The following ARRDC3 variants were observed in gnomAD, a reference collection of about 807,000 sequenced individuals.
The protein encoded by ARRDC3 is arrestin domain-containing protein 3.
A neutral mutation model predicts 47.2 loss-of-function variants in ARRDC3; 10 were observed. That is an observed-to-expected ratio of 0.21 (90% CI 0.13 to 0.36). The LOEUF (loss-of-function observed/expected upper bound fraction) is 0.36, where lower values mean the gene tolerates loss of function less well. Ranked by LOEUF, ARRDC3 falls within the 10% of genes least tolerant of loss-of-function variation. The pLI, the probability that ARRDC3 is intolerant of heterozygous loss-of-function variation, is 1.00. For missense variants in ARRDC3, 381 were observed against 503.6 expected (o/e 0.76, Z 2.33); for synonymous variants, 156 against 178.3 (o/e 0.87, Z 1.00).
chr5:91,369,963 G>C lies in ARRDC3; in HGVS notation c.*1437C>G, dbSNP rs1041836622. 6.6e-6 allele frequency: 1 copy of C among 151,882 alleles called. No homozygotes were observed. The highest frequency in any genetic ancestry group is 2.4e-5 in the African/African-American group (1 of 41,304). The allele number at this position is 151,882 out of a possible 1,614,324, so 9.4% of individuals were successfully genotyped here. ...TCATGTTTAGCAAATTGTTCTTTAG[G>C]TAATGAAAAACAGTATTCTCATTAG... On this transcript the variant is annotated 3_prime_UTR_variant, in exon 8 of 8. Transcript: ENST00000265138.
rs1166272393 is a variant in ARRDC3, at chr5:91,368,834, A to G, written c.*2566T>C. 6.5e-6 allele frequency: 1 copy of G among 152,680 alleles called. No individual in the cohort carries two copies. Among genetic ancestry groups the G allele is most frequent in the African/African-American group, 2.4e-5 (1 of 41,474 alleles). 9.5% of individuals were successfully genotyped at this position (152,680 alleles called of 1,614,324 possible). A position where few individuals can be genotyped will look rare whatever the true frequency, so the allele number is the denominator to read the frequency against. On this transcript the variant is annotated 3_prime_UTR_variant, in exon 8 of 8. Transcript: ENST00000265138. ...TTCTTAAAACAGAGCCTACAAGGACATATTCAGCACCAAATAAAAAAGGAA... is the reference window on the plus strand; with the variant it reads ...TTCTTAAAACAGAGCCTACAAGGACGTATTCAGCACCAAATAAAAAAGGAA...
chr5:91,376,034 A>T (rs558331470), intron 3 of ARRDC3, among the ~76,000 whole-genome samples: 4 of 152,328 alleles, frequency 2.6e-5, no homozygotes, highest in Non-Finnish European at 5.9e-5. Context: ...TAAAAAATCA[A>T]TATGTAAAAA....
intron 5 of ARRDC3, 95 bp downstream of exon 5, chr5:91,374,827 G>C: frequency 7.9e-7 from 1 of 1,272,016 alleles, no homozygotes; most frequent in Non-Finnish European, 1.1e-6. Context: ...AGAGGCTGTA[G>C]CGGAGCTGAG....
At chr5:91,375,258 G>A (rs1799274683) in intron 4 of ARRDC3, 80 bp from the exon 5 acceptor site, 1 of 1,441,384 alleles carries the variant, frequency 6.9e-7, no homozygotes, top group East Asian at 2.4e-5. Flanking sequence ...GCTAAAGTAA[G>A]AAAGTGCAAC....
chr5:91,380,508 C>G (rs1799427668), intron 1 of ARRDC3: 1 of 152,520 alleles, frequency 6.6e-6, no homozygotes, highest in South Asian at 2.1e-4. Flanking sequence ...AAGCCCCCCC[C>G]TCCCCCAACA....
Position 91,374,310 on chromosome 5 carries a change from G to A in ARRDC3, c.871-34C>T, listed in dbSNP as rs377567633. The A allele has an allele frequency of 3.1e-5, 49 of 1,563,194 alleles. No individual in the cohort carries two copies. In the African/African-American group the frequency reaches 6.3e-4, roughly 20 times the overall value. ...TGCAAAGAAATATTAAGTTTAGAAT[G>A]CCAAGTATGATTTCCTTTTCAAAAA... On this transcript the variant is annotated intron_variant, in intron 5 of 7. Transcript: ENST00000265138.
In ARRDC3 at chr5:91,378,697, T is replaced by C. The variant is rs749170031; in HGVS notation, c.359A>G (p.Gln120Arg). The part of the protein sequence containing the change: ...HEYAFSFELP[Q>R]TPLATSFEGR... ...GCCTATTATTTATAATACTTACGTC[T>C]GTGGAAGCTCGAAGCTGAATGCATA... Residue 120 changes from glutamine (Q) to arginine (R), a missense_variant, in exon 2 of 8, where the codon CAG becomes CGG. Coordinates refer to ENST00000265138, the MANE Select transcript of ARRDC3 (RefSeq NM_020801.4). 6.4e-7 allele frequency: 1 copy of C among 1,571,222 alleles called. No individual in the cohort carries two copies. The highest frequency in any genetic ancestry group is 1.8e-5 in the Admixed American group (1 of 56,796).
In ARRDC3 at chr5:91,369,626, T is replaced by C. The variant is rs1481905847; in HGVS notation, c.*1774A>G. The C allele has an allele frequency of 6.6e-6, 1 of 152,448 alleles. No individual in the cohort carries two copies. The highest frequency in any genetic ancestry group is 1.5e-5 in the Non-Finnish European group (1 of 68,010). The allele number at this position is 152,448 out of a possible 1,614,324, so 9.4% of individuals were successfully genotyped here. A position where few individuals can be genotyped will look rare whatever the true frequency, so the allele number is the denominator to read the frequency against. ...GTCAAGCACCAAGCCAGAGCTACTA[T>C]TATTTTCAGCCACTTTATTAACTGT... On this transcript the variant is annotated 3_prime_UTR_variant, in exon 8 of 8. Coordinates refer to ENST00000265138, the MANE Select transcript of ARRDC3 (RefSeq NM_020801.4).
At chr5:91,380,975 C>G (rs899989093) in intron 1 of ARRDC3, 2 of 152,258 alleles carry the variant, frequency 1.3e-5, no homozygotes, top group African/African-American at 4.8e-5. Context: ...TACCGGCGCA[C>G]GCCGGTTTCC....
chr5:91,376,703 T>C lies in ARRDC3; in HGVS notation c.428A>G (p.His143Arg). The change falls in exon 3 of 8, where the codon CAC becomes CGC. Residue 143 changes from histidine to arginine, a missense_variant. Physicochemically the swap from His to Arg is conservative, Grantham distance 29. Transcript: ENST00000265138. Reference protein sequence around the residue: ...SVRYWVKAELHRPWLLPVKLK... With the variant: ...SVRYWVKAELRRPWLLPVKLK... The stretch of plus-strand genomic sequence containing the variant: ...TTTTACTGGTAGTAGCCAAGGCCTG[T>C]GCAATTCGGCTTTCACCCAATAGCG... 1 of 1,614,018 alleles carries C rather than the reference T, an allele frequency of 6.2e-7. No homozygotes were observed. Among genetic ancestry groups the C allele is most frequent in the South Asian group, 1.1e-5 (1 of 91,082 alleles).
rs772614338 is a variant in ARRDC3, at chr5:91,370,587, C to G, written c.*813G>C. The G allele has an allele frequency of 4.6e-5, 7 of 152,494 alleles. No homozygotes were observed. The highest frequency in any genetic ancestry group is 2.6e-4 in the Admixed American group (4 of 15,248). The allele number at this position is 152,494 out of a possible 1,614,324, so 9.4% of individuals were successfully genotyped here. On this transcript the variant is annotated 3_prime_UTR_variant, in exon 8 of 8. Transcript: ENST00000265138. ...CTGAGATTAAGTGATTTTAGGCAGT[C>G]AGTAACAAAATGCTGCTTTGCTGTA... is the stretch of plus-strand genomic sequence containing the variant.
chr5:91,378,912 C>G (rs1561294373), intron 1 of ARRDC3, 137 bp from the exon 2 acceptor site: 1 of 488,842 alleles, frequency 2.0e-6, no homozygotes, highest in East Asian at 3.5e-5. Context: ...GATCTGAGTT[C>G]TAATTCTAAC....
Position 91,371,419 on chromosome 5 carries a change from G to A in ARRDC3, c.1226C>T (p.Pro409Leu), listed in dbSNP as rs1304477509. Reference sequence around the variant, plus strand: ...GTTCCTTCAACGAGAGGGGCAGGATGGTCTATCATCTGCTGACTGATCAGG... The same window carrying A: ...GTTCCTTCAACGAGAGGGGCAGGATAGTCTATCATCTGCTGACTGATCAGG... The part of the protein sequence containing the change: ...PNPDQSADDR[P>L]SCPSR The change falls in exon 8 of 8, where the codon CCA becomes CTA. Residue 409 changes from proline to leucine, a missense_variant. Coordinates refer to ENST00000265138, the MANE Select transcript of ARRDC3 (RefSeq NM_020801.4). The A allele has an allele frequency of 1.9e-6, 3 of 1,613,346 alleles. No individual in the cohort carries two copies. In the African/African-American group the frequency reaches 4.0e-5, roughly 22 times the overall value.
chr5:91,371,503 CT>C, intron 7 of ARRDC3, 47 bp from the exon 8 acceptor site: 1 of 1,462,528 alleles, frequency 6.8e-7, no homozygotes, highest in Non-Finnish European at 9.5e-7. Flanking sequence ...TTCATGAGGT[CT>C]AGGAAGAATG....
At chr5:91,376,535 A>G in intron 3 of ARRDC3, 86 bp downstream of exon 3, 1 of 1,181,582 alleles carries the variant, frequency 8.5e-7, no homozygotes, top group Non-Finnish European at 1.2e-6. Context: ...TTTTTAAATT[A>G]TGACAACTGC....
intron 5 of ARRDC3, 33 bp from the exon 6 acceptor site, chr5:91,374,309 T>C (rs747436050): frequency 1.3e-6 from 2 of 1,567,014 alleles, no homozygotes; most frequent in Middle Eastern, 3.4e-4. Flanking sequence ...AAGTTTAGAA[T>C]GCCAAGTATG....
chr5:91,377,268 A>T (rs1287173090), intron 2 of ARRDC3, among the ~76,000 whole-genome samples: 2 of 152,160 alleles, frequency 1.3e-5, no homozygotes, highest in Non-Finnish European at 2.9e-5. Context: ...TAGTTTCAAA[A>T]ATTTCACATT....
chr5:91,370,156 TCA>T lies in ARRDC3; in HGVS notation c.*1242_*1243del, dbSNP rs1267287194. ...ATAACCTCAATGTATGTATTCCTGCTCATTAATATACTTTGCACCAGCAAAAG... is the reference window on the plus strand; with the variant it reads ...ATAACCTCAATGTATGTATTCCTGCTTTAATATACTTTGCACCAGCAAAAG... On this transcript the variant is annotated 3_prime_UTR_variant, in exon 8 of 8. Coordinates refer to ENST00000265138, the MANE Select transcript of ARRDC3 (RefSeq NM_020801.4). 2 of 152,316 alleles carry T rather than the reference TCA, an allele frequency of 1.3e-5. No individual in the cohort carries two copies. The highest frequency in any genetic ancestry group is 3.8e-4 in the East Asian group (2 of 5,198). The allele number at this position is 152,316 out of a possible 1,614,324, so 9.4% of individuals were successfully genotyped here.
At chr5:91,380,275 G>C (rs1360267404) in intron 1 of ARRDC3, 1 of 152,912 alleles carries the variant, frequency 6.5e-6, no homozygotes, top group Non-Finnish European at 1.5e-5. Context: ...TACGTCGCGC[G>C]GCGCTCGCGC....
Sources: gnomAD v4.1 joint callset for allele counts (sites outside exome capture counted in the v4.1 genomes callset) on GRCh38, gnomAD v4.1.1 for gene constraint, MANE v1.5 for transcripts, NCBI Gene and HGNC (gene_info 2026-07-23, HGNC 2026-07-21) for gene names.